MEI4: variants seen among roughly 807,000 people sequenced by gnomAD.
MEI4 encodes meiosis-specific protein MEI4.
A neutral mutation model predicts 31.4 loss-of-function variants in MEI4; 27 were observed. That is an observed-to-expected ratio of 0.86 (90% CI 0.63 to 1.19). The LOEUF (loss-of-function observed/expected upper bound fraction) is 1.19, where lower values mean the gene tolerates loss of function less well. MEI4 is among the 50% of genes most tolerant of loss of function. The pLI is 0.00. For synonymous variants in MEI4, 122 were observed against 145.4 expected (o/e 0.84, Z 1.16); for missense variants, 329 against 398.9 (o/e 0.82, Z 1.49).
intron 4 of MEI4, among the ~76,000 whole-genome samples, chr6:77,892,217 A>T (rs1196801863): frequency 6.6e-6 from 1 of 152,076 alleles, no homozygotes; most frequent in Non-Finnish European, 1.5e-5. Context: ...ACTCCCCATG[A>T]TGGTGCTTGC....
Position 77,913,757 on chromosome 6 carries a change from G to A in MEI4, c.901-9332G>A, listed in dbSNP as rs114322491. On this transcript the variant is annotated intron_variant, in intron 4 of 4. Transcript: ENST00000684080. Reference sequence around the variant, plus strand: ...TTTTAGAAAAACTTTTGTTGAGCCCGGGCACGGTGGCTCACTCCTGTAATC... The same window carrying A: ...TTTTAGAAAAACTTTTGTTGAGCCCAGGCACGGTGGCTCACTCCTGTAATC... Among the ~76,000 whole-genome samples the A allele has an allele frequency of 5.7e-3, 859 of 150,054 alleles. 10 individuals carry two copies. Among genetic ancestry groups the A allele is most frequent in the African/African-American group, 0.02 (812 of 40,852 alleles).
At chr6:77,702,251 A>C (rs749705176) in intron 2 of MEI4, among the ~76,000 whole-genome samples, 10 of 152,226 alleles carry the variant, frequency 6.6e-5, no homozygotes, top group Non-Finnish European at 1.3e-4. Context: ...AAACATTGCA[A>C]ATAACTGACT....
At chr6:77,865,568 G>C (rs940841322) in intron 4 of MEI4, among the ~76,000 whole-genome samples, 18 of 152,182 alleles carry the variant, frequency 1.2e-4, no homozygotes, top group Non-Finnish European at 2.4e-4. Flanking sequence ...AACAGGCTCT[G>C]AAATTGAGGC....
At chr6:77,750,497 C>A (rs978935337) in intron 2 of MEI4, among the ~76,000 whole-genome samples, 3 of 152,040 alleles carry the variant, frequency 2.0e-5, no homozygotes, top group Non-Finnish European at 4.4e-5. Context: ...AGACTTTAAA[C>A]CAACAAAGAT....
intron 2 of MEI4, among the ~76,000 whole-genome samples, chr6:77,697,983 G>A (rs561497340): frequency 8.5e-5 from 13 of 152,266 alleles, no homozygotes; most frequent in Non-Finnish European, 1.8e-4. Context: ...AGGATAGTTA[G>A]CTCTTCTTGT....
intron 2 of MEI4, among the ~76,000 whole-genome samples, chr6:77,734,653 A>T (rs867817023): frequency 6.6e-6 from 1 of 151,082 alleles, no homozygotes; most frequent in South Asian, 2.1e-4. Context: ...AGTTAATATT[A>T]TTATGTGTGA....
chr6:77,897,515 G>T (rs199551730), intron 4 of MEI4, among the ~76,000 whole-genome samples: 1 of 127,338 alleles, frequency 7.9e-6, no homozygotes, highest in African/African-American at 3.0e-5. Context: ...TTTTAAAATT[G>T]TTATATATAT....
intron 4 of MEI4, among the ~76,000 whole-genome samples, chr6:77,843,586 C>T (rs544663520): frequency 1.3e-5 from 2 of 151,308 alleles, no homozygotes; most frequent in African/African-American, 2.4e-5. Flanking sequence ...CCATCTGAAC[C>T]TCTGGCTAGT....
chr6:77,849,242 T>A (rs1770558143), intron 4 of MEI4, among the ~76,000 whole-genome samples: 1 of 152,222 alleles, frequency 6.6e-6, no homozygotes, highest in Non-Finnish European at 1.5e-5. Flanking sequence ...TGTTAATGTT[T>A]TAATGTAGAG....
intron 2 of MEI4, among the ~76,000 whole-genome samples, chr6:77,729,470 T>A (rs1044919186): frequency 7.2e-5 from 11 of 152,158 alleles, no homozygotes; most frequent in African/African-American, 2.7e-4. Context: ...AGGATGTGGG[T>A]TAGTATTGGT....
intron 1 of MEI4, among the ~76,000 whole-genome samples, chr6:77,658,077 G>T (rs1768430286): frequency 6.6e-6 from 1 of 152,216 alleles, no homozygotes. Flanking sequence ...CAATAAAGCT[G>T]TTTATTTCAC....
chr6:77,743,666 C>G (rs561747764), intron 2 of MEI4, among the ~76,000 whole-genome samples: 128 of 152,296 alleles, frequency 8.4e-4, no homozygotes, highest in Non-Finnish European at 1.4e-3. Flanking sequence ...ACTGCCTCCT[C>G]AAGTGGGTCC....
At chr6:77,728,908 G>T (rs540015038) in intron 2 of MEI4, among the ~76,000 whole-genome samples, 1 of 152,318 alleles carries the variant, frequency 6.6e-6, no homozygotes, top group East Asian at 1.9e-4. Context: ...TCTGGCTGCT[G>T]TATGGAGAAT....
chr6:77,837,214 T>A (rs1770241087), intron 4 of MEI4, among the ~76,000 whole-genome samples: 1 of 152,134 alleles, frequency 6.6e-6, no homozygotes, highest in Non-Finnish European at 1.5e-5. Context: ...AAGGATAAAC[T>A]AAATCAAATG....
intron 2 of MEI4, among the ~76,000 whole-genome samples, chr6:77,749,434 G>A (rs1582099445): frequency 6.6e-6 from 1 of 152,072 alleles, no homozygotes; most frequent in African/African-American, 2.4e-5. Context: ...ATGACCTGAT[G>A]GAGCTGAAAA....
intron 3 of MEI4, among the ~76,000 whole-genome samples, chr6:77,827,454 T>C (rs1000363362): frequency 6.6e-6 from 1 of 151,076 alleles, no homozygotes; most frequent in East Asian, 1.9e-4. Context: ...CCTCAGCTGC[T>C]ATCTGTAGCA....
At chr6:77,803,328 C>T (rs944784162) in intron 3 of MEI4, among the ~76,000 whole-genome samples, 2 of 152,132 alleles carry the variant, frequency 1.3e-5, no homozygotes, top group Non-Finnish European at 2.9e-5. Context: ...TCCATCAGGT[C>T]CTTTAAGGAC....
At chr6:77,907,981 C>A (rs1766338576) in intron 4 of MEI4, among the ~76,000 whole-genome samples, 1 of 143,334 alleles carries the variant, frequency 7.0e-6, no homozygotes, top group South Asian at 2.2e-4. Flanking sequence ...CCTTCACGCA[C>A]TTGTTGATGG....
chr6:77,700,510 AG>A (rs1365319908), intron 2 of MEI4, among the ~76,000 whole-genome samples: 1 of 152,156 alleles, frequency 6.6e-6, no homozygotes, highest in African/African-American at 2.4e-5. Flanking sequence ...TTCTTTGACT[AG>A]GAAAGGGAAC....
Sources: allele counts gnomAD v4.1 joint callset (sites outside exome capture counted in the v4.1 genomes callset), GRCh38; gene constraint gnomAD v4.1.1; transcripts MANE v1.5; gene names NCBI Gene and HGNC (gene_info 2026-07-23, HGNC 2026-07-21).